The following KPNA1 variants were observed in gnomAD, a reference collection of about 807,000 sequenced individuals.
KPNA1 encodes the protein importin subunit alpha-5.
In KPNA1, 10 loss-of-function variants were observed where a neutral mutation model predicts 70.5. The observed-to-expected ratio is 0.14, with a 90% CI of 0.09 to 0.24. The LOEUF is 0.24. Ranked by LOEUF, KPNA1 falls within the 10% of genes least tolerant of loss-of-function variation. The probability of loss-of-function intolerance (pLI) is 1.00; values close to 1 mark genes in which losing one functional copy is unlikely to be tolerated. For synonymous variants in KPNA1, 192 were observed against 221.9 expected, an observed-to-expected ratio of 0.87 and a Z score of 1.20; for missense variants, 397 against 637.9, an observed-to-expected ratio of 0.62 and a Z score of 4.07.
intron 12 of KPNA1, among the ~76,000 whole-genome samples, chr3:122,428,313 A>G (rs566983853): frequency 2.0e-5 from 3 of 152,330 alleles, no homozygotes; most frequent in Admixed American, 1.3e-4. Context: ...GTCATTTTTT[A>G]TCATTCTGGT....
chr3:122,514,228 C>A (rs1387372819), intron 1 of KPNA1, among the ~76,000 whole-genome samples: 1 of 152,186 alleles, frequency 6.6e-6, no homozygotes, highest in Non-Finnish European at 1.5e-5. Context: ...CCGCTTCCCC[C>A]ACCTCCCTCC....
At chr3:122,449,285 C>G (rs975120243) in intron 9 of KPNA1, among the ~76,000 whole-genome samples, 2 of 152,096 alleles carry the variant, frequency 1.3e-5, no homozygotes, top group African/African-American at 4.8e-5. Flanking sequence ...TTCTGATGTC[C>G]GGTGGTTGAT....
At chr3:122,471,844 CAAGTT>C (rs765398133) in intron 2 of KPNA1, among the ~76,000 whole-genome samples, 12 of 152,092 alleles carry the variant, frequency 7.9e-5, no homozygotes, top group Non-Finnish European at 1.5e-4. Context: ...GCAGATAAGA[CAAGTT>C]AAGTTATCAA....
In KPNA1 at chr3:122,430,999, C is replaced by T. The variant is rs552100547; in HGVS notation, c.1250+2662G>A. Among the ~76,000 whole-genome samples the T allele has an allele frequency of 8.1e-4, 124 of 152,320 alleles. No homozygotes were observed. In the South Asian group the frequency reaches 9.5e-3, roughly 12 times the overall value. On this transcript the variant is annotated intron_variant, in intron 12 of 13. Coordinates refer to ENST00000344337, the MANE Select transcript of KPNA1 (RefSeq NM_002264.4). ...TCACTTTTCCTCATGCTATTCTCCCCTCCAAAACTGCCAATTCTCTATACA... is the reference window on the plus strand; with the variant it reads ...TCACTTTTCCTCATGCTATTCTCCCTTCCAAAACTGCCAATTCTCTATACA...
chr3:122,441,760 C>T (rs1472612177), intron 10 of KPNA1, among the ~76,000 whole-genome samples: 5 of 151,992 alleles, frequency 3.3e-5, no homozygotes, highest in African/African-American at 9.7e-5. Flanking sequence ...CAACCACGCC[C>T]GGCTAATTTT....
Position 122,424,837 on chromosome 3 carries a change from CAA to C in KPNA1, c.*2146_*2147del, listed in dbSNP as rs2075801125. 1 of 152,550 alleles carries C rather than the reference CAA, an allele frequency of 6.6e-6. No homozygotes were observed. The highest frequency in any genetic ancestry group is 2.4e-5 in the African/African-American group (1 of 41,418). The allele number at this position is 152,550 out of a possible 1,614,324, so 9.4% of individuals were successfully genotyped here. On this transcript the variant is annotated 3_prime_UTR_variant, in exon 14 of 14. Transcript: ENST00000344337. ...GCCACAAAAAAGTCAAAGCTAAAAA[CAA>C]GATTTTTACTATGAATCAGTGCTTC...
At chr3:122,469,112 A>G (rs1023540002) in intron 2 of KPNA1, among the ~76,000 whole-genome samples, 1 of 152,192 alleles carries the variant, frequency 6.6e-6, no homozygotes, top group African/African-American at 2.4e-5. Flanking sequence ...GCAGGGCTCC[A>G]TAACAACTGT....
At position 122,422,862 on chromosome 3, in the gene KPNA1, T is replaced by C. The variant is rs1037278853; in HGVS notation, c.*4123A>G. The C allele has an allele frequency of 6.6e-6, 1 of 152,256 alleles. No individual in the cohort carries two copies. The highest frequency in any genetic ancestry group is 1.9e-4 in the East Asian group (1 of 5,204). 9.4% of individuals were successfully genotyped at this position (152,256 alleles called of 1,614,324 possible). The stretch of plus-strand genomic sequence containing the variant: ...AATTTGACCTACAGGGAAAACACTC[T>C]GGGACTTCGTTTACCCTTAGTTGAA... On this transcript the variant is annotated 3_prime_UTR_variant, in exon 14 of 14. Coordinates refer to ENST00000344337, the MANE Select transcript of KPNA1 (RefSeq NM_002264.4).
chr3:122,492,065 T>G (rs999573843), intron 2 of KPNA1, among the ~76,000 whole-genome samples: 5 of 151,856 alleles, frequency 3.3e-5, no homozygotes, highest in Middle Eastern at 3.4e-3. Flanking sequence ...TTTCACCGTG[T>G]TAGCCAGGAT....
Position 122,453,893 on chromosome 3 carries a change from C to G in KPNA1, c.541G>C (p.Glu181Gln), listed in dbSNP as rs1560029680. 6.2e-7 allele frequency: 1 copy of G among 1,608,926 alleles called. No homozygotes were observed. Among genetic ancestry groups the G allele is most frequent in the Admixed American group, 1.7e-5 (1 of 58,864 alleles). Residue 181 changes from glutamate (E) to glutamine (Q), a missense_variant, in exon 6 of 14, where the codon GAG (glutamate) becomes CAG (glutamine). Transcript: ENST00000344337. ...VPIFIELLSS[E>Q]FEDVQEQAVW... is the part of the protein sequence containing the mutation. ...ACCTGTTCCTGGACATCTTCAAACT[C>G]TGAGCTGAGCAACTCTATGAAGATG...
At chr3:122,512,660 G>A (rs1363311550) in intron 1 of KPNA1, among the ~76,000 whole-genome samples, 2 of 152,226 alleles carry the variant, frequency 1.3e-5, no homozygotes, top group African/African-American at 2.4e-5. Context: ...GGGAGGCAGA[G>A]GCTGCAGTAA....
chr3:122,496,926 ACTC>A (rs764669757), intron 1 of KPNA1, among the ~76,000 whole-genome samples: 3 of 151,222 alleles, frequency 2.0e-5, no homozygotes, highest in Non-Finnish European at 4.4e-5. Flanking sequence ...CTGGTCTTGA[ACTC>A]CTAGCTTCAA....
chr3:122,484,605 T>A (rs909439660), intron 2 of KPNA1, among the ~76,000 whole-genome samples: 4 of 150,532 alleles, frequency 2.7e-5, no homozygotes, highest in African/African-American at 9.9e-5. Context: ...ATCACACCAC[T>A]GCACTCCAGC....
intron 12 of KPNA1, among the ~76,000 whole-genome samples, chr3:122,430,545 G>GTGTGTGTGTGTGTGTGTGTGTGTGTGT (rs1560014460): frequency 2.6e-5 from 2 of 76,690 alleles, no homozygotes; most frequent in South Asian, 4.1e-4. Flanking sequence ...TGTGTGTGTG[G>GTGTGTGTGTGTGTGTGTGTGTGTGTGT]TTTCTCAAAT....
chr3:122,461,767 T>G (rs1468894093), intron 4 of KPNA1, among the ~76,000 whole-genome samples: 1 of 152,204 alleles, frequency 6.6e-6, no homozygotes, highest in Non-Finnish European at 1.5e-5. Context: ...TTTGTACCTG[T>G]AGGAGCTAGC....
intron 5 of KPNA1, among the ~76,000 whole-genome samples, chr3:122,456,790 A>G (rs1230901443): frequency 1.3e-5 from 2 of 152,234 alleles, no homozygotes; most frequent in African/African-American, 4.8e-5. Context: ...CAATTCAGGA[A>G]TGAAAATCAA....
intron 2 of KPNA1, among the ~76,000 whole-genome samples, chr3:122,473,438 C>G (rs999482642): frequency 7.2e-5 from 11 of 152,078 alleles, no homozygotes; most frequent in African/African-American, 2.7e-4. Context: ...AACTACAGAC[C>G]AACATTTTTT....
At chr3:122,479,130 T>G (rs1323939025) in intron 2 of KPNA1, among the ~76,000 whole-genome samples, 8 of 152,022 alleles carry the variant, frequency 5.3e-5, no homozygotes, top group African/African-American at 9.7e-5. Context: ...CTGCAAAATA[T>G]CTAATGAAAG....
chr3:122,472,982 G>A (rs900811684), intron 2 of KPNA1, among the ~76,000 whole-genome samples: 11 of 152,136 alleles, frequency 7.2e-5, no homozygotes, highest in Non-Finnish European at 1.2e-4. Flanking sequence ...TCAGGAGGCT[G>A]AGGCACCAGA....
Sources: gnomAD v4.1 joint callset for allele counts (sites outside exome capture counted in the v4.1 genomes callset) on GRCh38, gnomAD v4.1.1 for gene constraint, MANE v1.5 for transcripts, NCBI Gene and HGNC (gene_info 2026-07-23, HGNC 2026-07-21) for gene names.